The following LRRC4C variants were observed in gnomAD, a reference collection of about 807,000 sequenced individuals.
The protein encoded by LRRC4C is leucine rich repeat containing 4C.
In LRRC4C, 5 loss-of-function variants were observed where a neutral mutation model predicts 33.6. That is an observed-to-expected ratio of 0.15 (90% CI 0.08 to 0.31). The LOEUF is 0.31. Among genes scored for constraint, LRRC4C ranks in the 10% least tolerant of loss-of-function variants. The pLI is 1.00. For synonymous variants in LRRC4C, 329 were observed against 302.0 expected (o/e 1.09, Z -0.93); for missense variants, 560 against 796.7 (o/e 0.70, Z 3.58).
intron 1 of LRRC4C, among the ~76,000 whole-genome samples, chr11:40,956,607 T>C (rs1313552924): frequency 2.0e-5 from 3 of 151,788 alleles, no homozygotes; most frequent in Non-Finnish European, 4.4e-5. Flanking sequence ...TTGGAATAAA[T>C]TGAAAAGATA....
chr11:41,361,094 T>C lies in LRRC4C; in HGVS notation c.-496+98337A>G, dbSNP rs1007196233. Among the ~76,000 whole-genome samples the C allele has an allele frequency of 1.1e-4, 16 of 152,306 alleles. 1 individual carries two copies. The highest frequency in any genetic ancestry group is 3.3e-4 in the Admixed American group (5 of 15,298). On this transcript the variant is annotated intron_variant, in intron 1 of 6. Coordinates refer to ENST00000528697, the MANE Select transcript of LRRC4C (RefSeq NM_001258419.2). Reference sequence around the variant, plus strand: ...GGCAGTTTTCCAGAAAATACAGCTCTGGCTTTAAAACAGGAAGACAGCATT... The same window carrying C: ...GGCAGTTTTCCAGAAAATACAGCTCCGGCTTTAAAACAGGAAGACAGCATT...
chr11:40,152,099 G>A (rs1858263163), intron 5 of LRRC4C, among the ~76,000 whole-genome samples: 1 of 152,114 alleles, frequency 6.6e-6, no homozygotes, highest in Non-Finnish European at 1.5e-5. Context: ...TGCTCCTGCA[G>A]GACTCGAGAG....
chr11:40,415,825 T>C (rs1344430619), intron 3 of LRRC4C, among the ~76,000 whole-genome samples: 1 of 152,156 alleles, frequency 6.6e-6, no homozygotes, highest in African/African-American at 2.4e-5. Context: ...GGATAGAATG[T>C]GTGCCTATCA....
intron 2 of LRRC4C, among the ~76,000 whole-genome samples, chr11:40,828,297 T>C (rs1018019330): frequency 6.6e-6 from 1 of 151,638 alleles, no homozygotes; most frequent in African/African-American, 2.4e-5. Flanking sequence ...TATTTCTTTT[T>C]CTCCAGCATG....
chr11:41,443,490 G>A (rs1955719802), intron 1 of LRRC4C, among the ~76,000 whole-genome samples: 2 of 152,120 alleles, frequency 1.3e-5, no homozygotes, highest in South Asian at 4.1e-4. Context: ...TCCTGGGCAA[G>A]AGAGCAAGAC....
intron 2 of LRRC4C, among the ~76,000 whole-genome samples, chr11:40,878,129 G>C (rs973587997): frequency 6.6e-6 from 1 of 152,114 alleles, no homozygotes; most frequent in African/African-American, 2.4e-5. Flanking sequence ...GTGTGGGAAA[G>C]AGTCACGGAT....
intron 3 of LRRC4C, among the ~76,000 whole-genome samples, chr11:40,399,825 C>T (rs1050591430): frequency 1.3e-5 from 2 of 151,840 alleles, no homozygotes; most frequent in African/African-American, 4.8e-5. Flanking sequence ...CCATGTCATG[C>T]GAAAAATACC....
intron 3 of LRRC4C, among the ~76,000 whole-genome samples, chr11:40,423,609 G>A (rs1162400140): frequency 6.6e-6 from 1 of 152,094 alleles, no homozygotes; most frequent in Non-Finnish European, 1.5e-5. Context: ...CTCCCAAAGT[G>A]CTGGGATTAC....
chr11:40,665,370 ATATATATATATATATAT>A (rs1420371748), intron 2 of LRRC4C, among the ~76,000 whole-genome samples: 158 of 53,232 alleles, frequency 3.0e-3, no homozygotes, highest in African/African-American at 7.3e-3. Flanking sequence ...ATATGTATAT[ATATATATATATATATAT>A]TATTAGGGGT....
chr11:40,242,325 C>T (rs1865981722), intron 4 of LRRC4C, among the ~76,000 whole-genome samples: 1 of 152,142 alleles, frequency 6.6e-6, no homozygotes, highest in African/African-American at 2.4e-5. Flanking sequence ...ACTTATCTTC[C>T]TTTCTTCATT....
intron 3 of LRRC4C, among the ~76,000 whole-genome samples, chr11:40,453,306 C>T (rs1485532543): frequency 1.3e-5 from 2 of 151,816 alleles, no homozygotes; most frequent in Admixed American, 6.6e-5. Flanking sequence ...TACTTCAGTG[C>T]TTTTGAGAAA....
chr11:40,672,122 C>G (rs2136279552), intron 2 of LRRC4C, among the ~76,000 whole-genome samples: 1 of 152,250 alleles, frequency 6.6e-6, no homozygotes, highest in East Asian at 1.9e-4. Flanking sequence ...AAATTGATTT[C>G]TCACAGTTCT....
chr11:40,533,335 G>A (rs1377704903), intron 3 of LRRC4C, among the ~76,000 whole-genome samples: 1 of 152,084 alleles, frequency 6.6e-6, no homozygotes, highest in Non-Finnish European at 1.5e-5. Flanking sequence ...CCTGAATTTG[G>A]GGACTGGAGA....
At chr11:40,618,580 G>A (rs191157308) in intron 3 of LRRC4C, among the ~76,000 whole-genome samples, 48 of 151,844 alleles carry the variant, frequency 3.2e-4, no homozygotes, top group Admixed American at 3.1e-3. Context: ...ACTTACCCTA[G>A]CCCCATTACC....
rs1241781613 is a variant in LRRC4C, at chr11:40,333,732, AAAAAAAAAAG to A, written c.-269-14021_-269-14012del. Among the ~76,000 whole-genome samples, 145 of 151,824 alleles carry A rather than the reference AAAAAAAAAAG, an allele frequency of 9.6e-4. 5 individuals are homozygous for A. In the East Asian group the frequency reaches 0.025, roughly 27 times the overall value. On this transcript the variant is annotated intron_variant, in intron 3 of 6. Coordinates refer to ENST00000528697, the MANE Select transcript of LRRC4C (RefSeq NM_001258419.2). The stretch of plus-strand genomic sequence containing the variant: ...GACTTTGTCTCAAAAAAAAAAAAAA[AAAAAAAAAAG>A]AATTCATAAATACATGGGATTTTGT...
intron 1 of LRRC4C, among the ~76,000 whole-genome samples, chr11:41,020,526 T>G (rs531904372): frequency 1.3e-5 from 2 of 152,094 alleles, no homozygotes; most frequent in East Asian, 3.9e-4. Context: ...GAAACAGACA[T>G]GCAGAGGGAA....
chr11:40,538,829 T>C (rs1303129973), intron 3 of LRRC4C, among the ~76,000 whole-genome samples: 1 of 152,168 alleles, frequency 6.6e-6, no homozygotes, highest in Non-Finnish European at 1.5e-5. Context: ...TTTTAATGAT[T>C]GCCATTCTAA....
intron 3 of LRRC4C, among the ~76,000 whole-genome samples, chr11:40,325,025 T>C (rs1456514724): frequency 6.6e-6 from 1 of 152,238 alleles, no homozygotes; most frequent in Non-Finnish European, 1.5e-5. Context: ...AAATTACTAT[T>C]AGTATAGTTG....
intron 4 of LRRC4C, among the ~76,000 whole-genome samples, chr11:40,246,494 T>C (rs558385307): frequency 5.3e-5 from 8 of 152,322 alleles, no homozygotes; most frequent in African/African-American, 1.9e-4. Flanking sequence ...ACATACATGA[T>C]AGATTCATTC....
Sources: allele counts gnomAD v4.1 joint callset (sites outside exome capture counted in the v4.1 genomes callset), GRCh38; gene constraint gnomAD v4.1.1; transcripts MANE v1.5; gene names NCBI Gene and HGNC (gene_info 2026-07-23, HGNC 2026-07-21).